CYP46A1: variants seen among roughly 807,000 people sequenced by gnomAD.
CYP46A1 encodes the protein cytochrome P450 family 46 subfamily A member 1, also known as cholesterol 24-hydroxylase.
In CYP46A1, 20 loss-of-function variants were observed where a neutral mutation model predicts 63.3. That is an observed-to-expected ratio of 0.32 (90% CI 0.22 to 0.46). The LOEUF is 0.46. CYP46A1 is among the 20% of genes least tolerant of loss of function. The pLI, the probability that CYP46A1 is intolerant of heterozygous loss-of-function variation, is 1.00. For synonymous variants in CYP46A1, 268 were observed against 273.6 expected (o/e 0.98, Z 0.20); for missense variants, 445 against 670.8 (o/e 0.66, Z 3.72).
At chr14:99,695,339 C>T in intron 3 of CYP46A1, 1 of 321,302 alleles carries the variant, frequency 3.1e-6, no homozygotes, top group South Asian at 2.6e-5. Flanking sequence ...TCTTTTAAAT[C>T]CTTTCTAATT....
intron 2 of CYP46A1, 64 bp downstream of exon 2, chr14:99,691,225 C>T (rs2056540430): frequency 6.7e-7 from 1 of 1,487,764 alleles, no homozygotes; most frequent in Non-Finnish European, 9.4e-7. Flanking sequence ...TCCCCCAACC[C>T]AATCCAGCAC....
At position 99,718,023 on chromosome 14, in the gene CYP46A1, G is replaced by A. The variant is rs747026841; in HGVS notation, c.908-31G>A. The A allele has an allele frequency of 8.2e-6, 13 of 1,587,030 alleles. No homozygotes were observed. The Admixed American group carries it at 1.7e-4, about 20-fold the overall frequency. ...TGTCTCCTTCATCCTGTGGCCCCAT[G>A]TGGAGCAACCACCGTCCTCCCTTCC... is the stretch of plus-strand genomic sequence containing the variant. On this transcript the variant is annotated intron_variant, in intron 9 of 14. Coordinates refer to ENST00000261835, the MANE Select transcript of CYP46A1 (RefSeq NM_006668.2).
intron 14 of CYP46A1, 114 bp downstream of exon 14, chr14:99,726,370 G>C (rs527387856): frequency 1.6e-6 from 2 of 1,276,078 alleles, no homozygotes; most frequent in Non-Finnish European, 2.1e-6. Context: ...CTGTGGGCTC[G>C]GGACCCAGCG....
In CYP46A1 at chr14:99,721,839, G is replaced by A. The variant is rs528940306; in HGVS notation, c.1066-117G>A. 124 of 724,358 alleles carry A rather than the reference G, an allele frequency of 1.7e-4. 1 individual carries two copies. Among genetic ancestry groups the A allele is most frequent in the African/African-American group, 1.5e-3 (86 of 57,102 alleles). 44.9% of individuals were successfully genotyped at this position (724,358 alleles called of 1,614,324 possible). The stretch of plus-strand genomic sequence containing the variant: ...AGGGGCCTGGGACCCAGGCCAGGGT[G>A]AGGGTATGCACTCAGCCTGTGGGTG... On this transcript the variant is annotated intron_variant, in intron 11 of 14. Transcript: ENST00000261835.
At chr14:99,698,442 A>G (rs1416942457) in intron 3 of CYP46A1, among the ~76,000 whole-genome samples, 1 of 152,150 alleles carries the variant, frequency 6.6e-6, no homozygotes, top group East Asian at 1.9e-4. Context: ...GATGAGCATA[A>G]AAACAACACC....
At chr14:99,724,175 C>G (rs948060787) in intron 12 of CYP46A1, among the ~76,000 whole-genome samples, 1 of 152,206 alleles carries the variant, frequency 6.6e-6, no homozygotes, top group East Asian at 1.9e-4. Flanking sequence ...TCGTTAAAGA[C>G]CTTGTCTCCA....
intron 7 of CYP46A1, chr14:99,712,862 AGCTGGAGGCAC>A (rs2056747262): frequency 6.6e-6 from 1 of 152,236 alleles, no homozygotes; most frequent in African/African-American, 2.4e-5. Flanking sequence ...AAAAGAACAA[AGCTGGAGGCAC>A]CATACTACCC....
In CYP46A1 at chr14:99,706,488, T is replaced by C. The variant is rs543521294; in HGVS notation, c.444-159T>C. On this transcript the variant is annotated intron_variant, in intron 5 of 14. Coordinates refer to ENST00000261835, the MANE Select transcript of CYP46A1 (RefSeq NM_006668.2). ...CAGGGTGTAGTTCAGTTACTACAACTCCAACCTGCAATCTGGGTCTCAAGG... is the reference window on the plus strand; with the variant it reads ...CAGGGTGTAGTTCAGTTACTACAACCCCAACCTGCAATCTGGGTCTCAAGG... The C allele has an allele frequency of 8.1e-6, 7 of 864,746 alleles. No homozygotes were observed. The African/African-American group carries it at 8.4e-5, about 10-fold the overall frequency. The allele number at this position is 864,746 out of a possible 1,614,324, so 53.6% of individuals were successfully genotyped here. A position where few individuals can be genotyped will look rare whatever the true frequency, so the allele number is the denominator to read the frequency against.
chr14:99,684,385 C>T lies in CYP46A1; in HGVS notation c.-33C>T, dbSNP rs755127021. 1.8e-4 allele frequency: 228 copies of T among 1,298,628 alleles called. 1 individual carries two copies. Among genetic ancestry groups the T allele is most frequent in the South Asian group, 9.0e-4 (44 of 49,088 alleles). The allele number at this position is 1,298,628 out of a possible 1,614,324, so 80.4% of individuals were successfully genotyped here. A position where few individuals can be genotyped will look rare whatever the true frequency, so the allele number is the denominator to read the frequency against. The stretch of plus-strand genomic sequence containing the variant: ...CTCCCGGCCCCCTCGGCGCCCGGCC[C>T]GACCCTGGCCTGGCCTGCCCTGCCC... On this transcript the variant is annotated 5_prime_UTR_variant, in exon 1 of 15. Transcript: ENST00000261835.
intron 6 of CYP46A1, 96 bp downstream of exon 6, chr14:99,706,881 G>A: frequency 7.0e-7 from 1 of 1,433,086 alleles, no homozygotes; most frequent in South Asian, 1.4e-5. Context: ...CCTCCCTCCT[G>A]CTCCTCTAAC....
At chr14:99,692,584 C>G (rs1042965116) in intron 3 of CYP46A1, among the ~76,000 whole-genome samples, 2 of 151,216 alleles carry the variant, frequency 1.3e-5, no homozygotes, top group African/African-American at 4.9e-5. Context: ...AATCCCATCA[C>G]TTTGGGAGGC....
chr14:99,684,568 G>A, intron 1 of CYP46A1, 32 bp downstream of exon 1: 1 of 1,428,868 alleles, frequency 7.0e-7, no homozygotes, highest in Non-Finnish European at 9.2e-7. Flanking sequence ...GCCTGGCTGG[G>A]GTGCTGGGAC....
At chr14:99,724,077 T>C (rs11851353) in intron 12 of CYP46A1, among the ~76,000 whole-genome samples, 1,972 of 152,330 alleles carry the variant, frequency 0.013, 42 homozygotes, top group African/African-American at 0.045. Flanking sequence ...CTTCCTTCTG[T>C]GTGTCTGTGT....
chr14:99,686,803 T>C (rs1247680544), intron 1 of CYP46A1, among the ~76,000 whole-genome samples: 3 of 152,168 alleles, frequency 2.0e-5, no homozygotes, highest in Non-Finnish European at 4.4e-5. Context: ...GATTGGGCTA[T>C]TTATTCTAAG....
chr14:99,724,579 G>T (rs1209254495), intron 12 of CYP46A1, among the ~76,000 whole-genome samples: 1 of 152,190 alleles, frequency 6.6e-6, no homozygotes, highest in Non-Finnish European at 1.5e-5. Flanking sequence ...CTCCTGGCTG[G>T]CTGGGTCATC....
intron 1 of CYP46A1, 200 bp downstream of exon 1, chr14:99,684,736 G>T (rs577803413): frequency 1.5e-6 from 1 of 646,720 alleles, no homozygotes; most frequent in Non-Finnish European, 2.9e-6. Context: ...CGCCCACCGC[G>T]CACAGCTGGG....
Position 99,726,887 on chromosome 14 carries a change from A to T in CYP46A1, c.*160A>T. On this transcript the variant is annotated 3_prime_UTR_variant, in exon 15 of 15. Coordinates refer to ENST00000261835, the MANE Select transcript of CYP46A1 (RefSeq NM_006668.2). ...GCCGACCGCCTGCTTCACACCCCTC[A>T]GCGCTCCCTGTCGCCTGCGGACTCC... 1 of 554,036 alleles carries T rather than the reference A, an allele frequency of 1.8e-6. No individual in the cohort carries two copies. 34.3% of individuals were successfully genotyped at this position (554,036 alleles called of 1,614,324 possible). A position where few individuals can be genotyped will look rare whatever the true frequency, so the allele number is the denominator to read the frequency against.
At chr14:99,720,772 G>T (rs1421581918) in intron 10 of CYP46A1, among the ~76,000 whole-genome samples, 2 of 152,294 alleles carry the variant, frequency 1.3e-5, no homozygotes, top group East Asian at 3.9e-4. Flanking sequence ...TTTGGATGTG[G>T]CCATCGCTGG....
intron 1 of CYP46A1, among the ~76,000 whole-genome samples, chr14:99,688,749 C>T (rs550279990): frequency 6.6e-6 from 1 of 152,292 alleles, no homozygotes; most frequent in Non-Finnish European, 1.5e-5. Flanking sequence ...CCTCCCTTTT[C>T]TCCCCTCTGG....
Sources: allele counts gnomAD v4.1 joint callset (sites outside exome capture counted in the v4.1 genomes callset), GRCh38; gene constraint gnomAD v4.1.1; transcripts MANE v1.5; gene names NCBI Gene and HGNC (gene_info 2026-07-23, HGNC 2026-07-21).